CTBP2: variants seen among roughly 807,000 people sequenced by gnomAD.
The protein encoded by CTBP2 is C-terminal-binding protein 2.
Under a neutral mutation model 80.3 loss-of-function variants are expected in CTBP2, and 30 were observed. That is an observed-to-expected ratio of 0.37 (90% CI 0.28 to 0.51). CTBP2 has a LOEUF of 0.51. CTBP2 is among the 20% of genes least tolerant of loss of function. The pLI is 0.93. For missense variants in CTBP2, 1,212 were observed against 1,375.3 expected, an observed-to-expected ratio of 0.88 and a Z score of 1.88; for synonymous variants, 594 against 587.4, an observed-to-expected ratio of 1.01 and a Z score of -0.16.
intron 2 of CTBP2, among the ~76,000 whole-genome samples, chr10:125,098,744 G>GAC (rs1850095294): frequency 1.4e-4 from 16 of 114,554 alleles, no homozygotes; most frequent in Admixed American, 2.6e-4. Context: ...GAGAGAGAGA[G>GAC]AGAGACAGAG....
chr10:125,123,262 C>T (rs554331551), intron 1 of CTBP2, among the ~76,000 whole-genome samples: 4 of 152,162 alleles, frequency 2.6e-5, no homozygotes, highest in South Asian at 2.1e-4. Flanking sequence ...GAGACCTACC[C>T]GTGCTAAAAT....
intron 1 of CTBP2, among the ~76,000 whole-genome samples, chr10:125,145,885 G>A (rs1213199016): frequency 6.6e-6 from 1 of 151,966 alleles, no homozygotes; most frequent in Non-Finnish European, 1.5e-5. Flanking sequence ...TTTCCCAAGG[G>A]CATTTTCAAG....
At chr10:125,159,021 TG>T (rs925728600) in intron 1 of CTBP2, among the ~76,000 whole-genome samples, 2 of 151,502 alleles carry the variant, frequency 1.3e-5, no homozygotes, top group Non-Finnish European at 2.9e-5. Context: ...GCCACGCCGC[TG>T]GGCCTCCCGC....
rs573704607 is a variant in CTBP2, at chr10:125,069,124, G to C, written c.-101-29969C>G. On this transcript the variant is annotated intron_variant, in intron 2 of 10. Transcript: ENST00000337195. ...TCCAGGGGCCTTTCTCAGGACCAAGGGTTTCCTGTTCCCTGCCTGTCTTGG... is the reference window on the plus strand; with the variant it reads ...TCCAGGGGCCTTTCTCAGGACCAAGCGTTTCCTGTTCCCTGCCTGTCTTGG... 2.0e-5 allele frequency among the ~76,000 whole-genome samples: 3 copies of C among 152,226 alleles called. No homozygotes were observed. In the South Asian group the frequency reaches 6.2e-4, roughly 32 times the overall value.
At chr10:125,146,843 A>G (rs1437770456) in intron 1 of CTBP2, among the ~76,000 whole-genome samples, 1 of 152,162 alleles carries the variant, frequency 6.6e-6, no homozygotes, top group East Asian at 1.9e-4. Context: ...GCACATGCGT[A>G]CTGTGCCTGG....
intron 3 of CTBP2, chr10:124,999,063 G>C (rs1480368029): frequency 6.6e-6 from 1 of 152,322 alleles, no homozygotes; most frequent in East Asian, 1.9e-4. Flanking sequence ...GGCCAGGCTG[G>C]GAACGGCCCC....
At chr10:125,069,273 G>C (rs942553677) in intron 2 of CTBP2, among the ~76,000 whole-genome samples, 2 of 152,160 alleles carry the variant, frequency 1.3e-5, no homozygotes, top group Non-Finnish European at 2.9e-5. Context: ...ATCAGTATTG[G>C]AATTAGTCCA....
At chr10:125,129,338 C>A (rs1855776389) in intron 1 of CTBP2, among the ~76,000 whole-genome samples, 1 of 152,032 alleles carries the variant, frequency 6.6e-6, no homozygotes, top group African/African-American at 2.4e-5. Flanking sequence ...TTAGAACTAA[C>A]CAAATGGCAC....
At chr10:125,104,507 T>C (rs1564928384) in intron 2 of CTBP2, among the ~76,000 whole-genome samples, 1 of 152,220 alleles carries the variant, frequency 6.6e-6, no homozygotes, top group Non-Finnish European at 1.5e-5. Context: ...GAAATATGTA[T>C]AAATGTCACT....
chr10:125,136,039 G>A (rs1457690985), intron 1 of CTBP2, among the ~76,000 whole-genome samples: 1 of 152,238 alleles, frequency 6.6e-6, no homozygotes, highest in African/African-American at 2.4e-5. Flanking sequence ...GTTCATTAGA[G>A]TCACCTGGGA....
At chr10:125,040,683 T>C (rs1192826039) in intron 2 of CTBP2, among the ~76,000 whole-genome samples, 1 of 150,438 alleles carries the variant, frequency 6.6e-6, no homozygotes, top group African/African-American at 2.5e-5. Context: ...AAGATAAAAA[T>C]GAGGCCCAAG....
At chr10:124,990,979 AACTC>A (rs1952530789) in intron 8 of CTBP2, among the ~76,000 whole-genome samples, 1 of 152,242 alleles carries the variant, frequency 6.6e-6, no homozygotes, top group Non-Finnish European at 1.5e-5. Flanking sequence ...TGGCAGCCAG[AACTC>A]ACTAAGCTTT....
In CTBP2 at chr10:125,027,529, G is replaced by A. The variant is rs1957767306; in HGVS notation, c.231C>T (p.Asn77=). 3.1e-6 allele frequency: 5 copies of A among 1,614,128 alleles called. No individual in the cohort carries two copies. The highest frequency in any genetic ancestry group is 4.2e-6 in the Non-Finnish European group (5 of 1,180,008). The stretch of plus-strand genomic sequence containing the variant: ...TAGACCCCTTTCTTGCAGCCACTGA[G>A]TTATAAACGGCCTCCCGGTACAGGT... Residue 77 remains asparagine (N), a synonymous_variant, in exon 1 of 9, where the codon AAC becomes AAT. Transcript: ENST00000309035.
chr10:125,128,180 C>T (rs1855573702), intron 1 of CTBP2, among the ~76,000 whole-genome samples: 1 of 152,176 alleles, frequency 6.6e-6, no homozygotes, highest in East Asian at 1.9e-4. Flanking sequence ...AGTGTCCATC[C>T]TCACACGGAA....
chr10:125,119,757 C>T (rs757355685), intron 1 of CTBP2, among the ~76,000 whole-genome samples: 2 of 152,160 alleles, frequency 1.3e-5, no homozygotes, highest in Non-Finnish European at 2.9e-5. Flanking sequence ...ATTTCTTATA[C>T]TTTCCTGTAT....
intron 1 of CTBP2, among the ~76,000 whole-genome samples, chr10:125,138,944 T>C (rs954775541): frequency 5.3e-5 from 8 of 152,228 alleles, no homozygotes; most frequent in Non-Finnish European, 8.8e-5. Context: ...TGTGTGTTCC[T>C]GGGAAAGTCA....
At chr10:125,115,093 T>C (rs1049628682) in intron 1 of CTBP2, among the ~76,000 whole-genome samples, 1 of 152,146 alleles carries the variant, frequency 6.6e-6, no homozygotes, top group African/African-American at 2.4e-5. Context: ...GTGGGGCACC[T>C]CCTGCTGCCT....
chr10:125,125,374 A>G (rs1419528780), intron 1 of CTBP2, among the ~76,000 whole-genome samples: 1 of 152,222 alleles, frequency 6.6e-6, no homozygotes, highest in African/African-American at 2.4e-5. Context: ...TATAAGCCTT[A>G]TATTTCAGCC....
intron 1 of CTBP2, among the ~76,000 whole-genome samples, chr10:125,155,698 CTCTT>C (rs1860794759): frequency 6.6e-6 from 1 of 150,384 alleles, no homozygotes; most frequent in Admixed American, 6.6e-5. Context: ...AAAAAAAAAA[CTCTT>C]TCATAAGTCT....
Sources: allele counts gnomAD v4.1 joint callset (sites outside exome capture counted in the v4.1 genomes callset), GRCh38; gene constraint gnomAD v4.1.1; transcripts MANE v1.5; gene names NCBI Gene and HGNC (gene_info 2026-07-23, HGNC 2026-07-21).